The following TTLL6 variants were observed in gnomAD, a reference collection of about 807,000 sequenced individuals.
The protein encoded by TTLL6 is tubulin polyglutamylase TTLL6.
TTLL6 carries 75 observed loss-of-function variants against 96.4 expected under a neutral mutation model. That is an observed-to-expected ratio of 0.78 (90% CI 0.65 to 0.94). The LOEUF (loss-of-function observed/expected upper bound fraction) is 0.94. Ranked by LOEUF, TTLL6 falls within the 40% of genes least tolerant of loss-of-function variation. TTLL6 has a pLI of 0.00. For synonymous variants in TTLL6, 411 were observed against 419.4 expected, an observed-to-expected ratio of 0.98 and a Z score of 0.24; for missense variants, 1,030 against 1,093.0, an observed-to-expected ratio of 0.94 and a Z score of 0.81.
intron 10 of TTLL6, 86 bp downstream of exon 10, chr17:48,789,845 C>T: frequency 1.4e-6 from 2 of 1,442,568 alleles, no homozygotes; most frequent in Non-Finnish European, 9.3e-7. Flanking sequence ...GTGTGAGCCA[C>T]TGCACCCGGC....
chr17:48,801,406 C>G (rs1244108479), intron 4 of TTLL6, 21 bp from the exon 5 acceptor site: 2 of 1,551,484 alleles, frequency 1.3e-6, no homozygotes, highest in Non-Finnish European at 1.7e-6. Context: ...AGCCGGAATT[C>G]ATGAGCAATC....
In TTLL6 at chr17:48,786,258, TCCCCCTG is replaced by T. The variant is rs1235736720; in HGVS notation, c.1660_1666del (p.Gln554AsnfsTer7). ...CTTTCTCACTTGCTCGCCTGCCGAT[TCCCCCTG>T]CATCTCTACCTTCTTCTTCATTTGG... On this transcript the variant is annotated frameshift_variant, in exon 12 of 16. Transcript: ENST00000393382. LOFTEE classifies it high-confidence loss of function. The T allele has an allele frequency of 6.2e-7, 1 of 1,614,220 alleles. No homozygotes were observed. The highest frequency in any genetic ancestry group is 8.5e-7 in the Non-Finnish European group (1 of 1,180,048).
At chr17:48,800,834 T>A (rs2039397043) in intron 5 of TTLL6, among the ~76,000 whole-genome samples, 1 of 152,182 alleles carries the variant, frequency 6.6e-6, no homozygotes, top group Admixed American at 6.5e-5. Context: ...AAGTGCTGAC[T>A]GCTATCCATA....
Position 48,790,068 on chromosome 17 carries a change from C to G in TTLL6, c.1263G>C (p.Leu421Phe). 1 of 1,614,102 alleles carries G rather than the reference C, an allele frequency of 6.2e-7. No individual in the cohort carries two copies. The highest frequency in any genetic ancestry group is 8.5e-7 in the Non-Finnish European group (1 of 1,179,986). Residue 421 changes from leucine (L) to phenylalanine (F), a missense_variant, in exon 10 of 16, where the codon TTG becomes TTC. Coordinates refer to ENST00000393382, the MANE Select transcript of TTLL6 (RefSeq NM_001130918.3). ...GCAGACCATCTTTCACCTCTTTATCCAACCGAGAGTCGGTGGAGAAGCTTG... is the reference window on the plus strand; with the variant it reads ...GCAGACCATCTTTCACCTCTTTATCGAACCGAGAGTCGGTGGAGAAGCTTG... ...HSPSFSTDSR[L>F]DKEVKDGLLY...
In TTLL6 at chr17:48,817,041, C is replaced by T. The variant is rs1368779842; in HGVS notation, c.32G>A (p.Arg11Lys). The T allele has an allele frequency of 2.6e-6, 4 of 1,544,642 alleles. No homozygotes were observed. The highest frequency in any genetic ancestry group is 2.0e-5 in the Admixed American group (1 of 50,402). Residue 11 changes from arginine (R) to lysine (K), a missense_variant, in exon 1 of 16, where the codon AGG becomes AAG. Coordinates refer to ENST00000393382, the MANE Select transcript of TTLL6 (RefSeq NM_001130918.3). MGALLLHPSR[R>K]GPAGVVASWT... is the part of the protein sequence containing the mutation. ...GCTTGCAACCACACCTGCCGGCCCC[C>T]TCCTCGAAGGATGAAGGAGTAACGC... is the stretch of plus-strand genomic sequence containing the variant.
rs1005128845 is a variant in TTLL6 at position 48,797,290 on chromosome 17, G to A, written c.769-86C>T. On this transcript the variant is annotated intron_variant, in intron 6 of 15. Transcript: ENST00000393382. The stretch of plus-strand genomic sequence containing the variant: ...CTAGCTCCCGCCTTGTTTCCATGGA[G>A]TTGGCTCCAACATTGCCTAGTGTTG... 10 of 1,416,518 alleles carry A rather than the reference G, an allele frequency of 7.1e-6. No individual in the cohort carries two copies. In the African/African-American group the frequency reaches 1.3e-4, roughly 18 times the overall value. 87.7% of individuals were successfully genotyped at this position (1,416,518 alleles called of 1,614,324 possible). A position where few individuals can be genotyped will look rare whatever the true frequency, so the allele number is the denominator to read the frequency against.
intron 13 of TTLL6, among the ~76,000 whole-genome samples, chr17:48,782,589 T>C (rs74415837): frequency 0.049 from 7,438 of 152,350 alleles, 265 homozygotes; most frequent in Non-Finnish European, 0.07. Flanking sequence ...GTGCTTTTAG[T>C]GGCATATGCC....
chr17:48,802,782 A>G (rs988230203), intron 3 of TTLL6, among the ~76,000 whole-genome samples: 1 of 152,210 alleles, frequency 6.6e-6, no homozygotes, highest in Non-Finnish European at 1.5e-5. Context: ...GAGGCAGGAG[A>G]ATCACTTGAA....
At chr17:48,783,106 T>A (rs2039019782) in intron 13 of TTLL6, among the ~76,000 whole-genome samples, 1 of 152,060 alleles carries the variant, frequency 6.6e-6, no homozygotes, top group Admixed American at 6.6e-5. Context: ...CTAAGCACTG[T>A]TTTAGAAACT....
At chr17:48,806,201 AG>A (rs2039504116) in intron 1 of TTLL6, 1 of 152,082 alleles carries the variant, frequency 6.6e-6, no homozygotes, top group Non-Finnish European at 1.5e-5. Context: ...TTGAACCAGA[AG>A]GCAGAGGTTG....
chr17:48,777,730 CA>C (rs749723188), intron 13 of TTLL6, among the ~76,000 whole-genome samples: 62 of 133,206 alleles, frequency 4.7e-4, no homozygotes, highest in African/African-American at 6.9e-4. Flanking sequence ...GACTCCGTCT[CA>C]AAAAAAAAAA....
chr17:48,796,720 A>G (rs996231720), intron 7 of TTLL6, among the ~76,000 whole-genome samples: 3 of 151,966 alleles, frequency 2.0e-5, no homozygotes, highest in African/African-American at 7.2e-5. Context: ...TGGGGATGGC[A>G]GGGTTGCTCA....
chr17:48,763,827 C>A (rs747343303), intron 15 of TTLL6, among the ~76,000 whole-genome samples: 29 of 151,532 alleles, frequency 1.9e-4, no homozygotes, highest in Non-Finnish European at 3.7e-4. Context: ...AACAAACAAA[C>A]AAAAAAACAG....
intron 13 of TTLL6, among the ~76,000 whole-genome samples, chr17:48,783,185 T>G (rs1321320679): frequency 6.6e-6 from 1 of 152,172 alleles, no homozygotes; most frequent in African/African-American, 2.4e-5. Context: ...GATTTCTTAC[T>G]GTGGGCTATG....
intron 10 of TTLL6, among the ~76,000 whole-genome samples, chr17:48,788,340 T>C (rs1221127591): frequency 5.3e-5 from 8 of 152,220 alleles, no homozygotes; most frequent in Non-Finnish European, 1.0e-4. Flanking sequence ...ATTACCCTTT[T>C]CTAGAGAGTG....
chr17:48,790,077 G>A lies in TTLL6; in HGVS notation c.1254C>T (p.Asp418=). Residue 418 remains aspartate (D), a synonymous_variant, in exon 10 of 16, where the codon GAC becomes GAT. Coordinates refer to ENST00000393382, the MANE Select transcript of TTLL6 (RefSeq NM_001130918.3). ...EVNHSPSFST[D]SRLDKEVKDG... is the part of the protein sequence containing the mutation. ...CTTTCACCTCTTTATCCAACCGAGA[G>A]TCGGTGGAGAAGCTTGGAGAGTGGT... is the stretch of plus-strand genomic sequence containing the variant. The A allele has an allele frequency of 6.2e-7, 1 of 1,614,106 alleles. No homozygotes were observed. Among genetic ancestry groups the A allele is most frequent in the Admixed American group, 1.7e-5 (1 of 60,016 alleles).
At chr17:48,801,203 A>G (rs774318541) in intron 5 of TTLL6, 52 bp downstream of exon 5, 112 of 1,515,214 alleles carry the variant, frequency 7.4e-5, no homozygotes, top group Non-Finnish European at 9.6e-5. Flanking sequence ...GCAAGAGGAA[A>G]TGTAAATGGG....
chr17:48,789,167 C>T (rs1395248425), intron 10 of TTLL6, among the ~76,000 whole-genome samples: 1 of 151,574 alleles, frequency 6.6e-6, no homozygotes, highest in Non-Finnish European at 1.5e-5. Context: ...ATTCCTAAAG[C>T]TTCACTTAGT....
chr17:48,811,795 T>C (rs895951516), intron 1 of TTLL6, among the ~76,000 whole-genome samples: 1 of 151,574 alleles, frequency 6.6e-6, no homozygotes, highest in African/African-American at 2.4e-5. Context: ...CCTCCCAGGT[T>C]CCAGCTATTC....
Sources: gnomAD v4.1 joint callset for allele counts (sites outside exome capture counted in the v4.1 genomes callset) on GRCh38, gnomAD v4.1.1 for gene constraint, MANE v1.5 for transcripts, NCBI Gene and HGNC (gene_info 2026-07-23, HGNC 2026-07-21) for gene names.